CD163L1: variants seen among roughly 807,000 people sequenced by gnomAD.
CD163L1 encodes the protein scavenger receptor cysteine-rich type 1 protein M160.
In CD163L1, 124 loss-of-function variants were observed where a neutral mutation model predicts 165.4. The observed-to-expected ratio is 0.75, with a 90% CI of 0.65 to 0.87. The LOEUF is 0.87. Among genes scored for constraint, CD163L1 ranks in the 40% least tolerant of loss-of-function variants. CD163L1 has a pLI of 0.00. For missense variants in CD163L1, 1,525 were observed against 1,799.9 expected (o/e 0.85, Z 2.76); for synonymous variants, 585 against 662.2 (o/e 0.88, Z 1.79).
At chr12:7,382,695 G>C (rs1004886322) in intron 8 of CD163L1, among the ~76,000 whole-genome samples, 1 of 152,078 alleles carries the variant, frequency 6.6e-6, no homozygotes, top group Non-Finnish European at 1.5e-5. Context: ...GTTTGTGCTG[G>C]GTCCTACATC....
At chr12:7,354,198 G>C (rs1056443952), downstream of CD163L1, among the ~76,000 whole-genome samples, 3 of 151,834 alleles carry the variant, frequency 2.0e-5, no homozygotes, top group African/African-American at 4.8e-5. Context: ...AATCACCTAG[G>C]CTTCTTTTTT....
chr12:7,350,262 C>T (rs143379460), downstream of CD163L1, among the ~76,000 whole-genome samples: 28 of 152,280 alleles, frequency 1.8e-4, 1 homozygote, highest in East Asian at 3.5e-3. Flanking sequence ...CAGAGATTTC[C>T]TAGACCTAAG....
At chr12:7,420,650 C>T (rs1948330512) in intron 4 of CD163L1, among the ~76,000 whole-genome samples, 1 of 151,946 alleles carries the variant, frequency 6.6e-6, no homozygotes, top group African/African-American at 2.4e-5. Flanking sequence ...GTAAAAGCCA[C>T]AATGCAATAC....
chr12:7,433,004 T>C (rs919146502), intron 3 of CD163L1, among the ~76,000 whole-genome samples: 1 of 152,098 alleles, frequency 6.6e-6, no homozygotes, highest in African/African-American at 2.4e-5. Flanking sequence ...TTTCAGAAAA[T>C]ATTTGTTCTG....
chr12:7,439,658 C>CA, intron 2 of CD163L1: 2 of 1,612,598 alleles, frequency 1.2e-6, no homozygotes, highest in African/African-American at 2.7e-5. Flanking sequence ...TTGTTCTCTG[C>CA]AATTTTCTTC....
chr12:7,399,519 C>CT (rs1947872960), intron 6 of CD163L1, among the ~76,000 whole-genome samples: 5 of 141,910 alleles, frequency 3.5e-5, no homozygotes, highest in African/African-American at 1.4e-4. Flanking sequence ...CTCCCTCCCT[C>CT]TCTTTCTTTC....
At chr12:7,390,818 G>A (rs966852281) in intron 8 of CD163L1, among the ~76,000 whole-genome samples, 1 of 152,162 alleles carries the variant, frequency 6.6e-6, no homozygotes, top group Non-Finnish European at 1.5e-5. Context: ...ATCTGAGTCA[G>A]GGAGTCCAAC....
intron 4 of CD163L1, among the ~76,000 whole-genome samples, chr12:7,417,109 T>C (rs2136566022): frequency 6.6e-6 from 1 of 152,300 alleles, no homozygotes; most frequent in East Asian, 1.9e-4. Flanking sequence ...TGGTTTGTAG[T>C]TCTCCTTGAA....
intron 8 of CD163L1, among the ~76,000 whole-genome samples, chr12:7,380,297 G>A (rs1218117374): frequency 7.7e-6 from 1 of 129,496 alleles, no homozygotes; most frequent in African/African-American, 3.2e-5. Context: ...GTGTGTGTGT[G>A]TGTGTATACA....
chr12:7,422,164 C>T (rs1948452776), intron 4 of CD163L1, among the ~76,000 whole-genome samples: 1 of 152,028 alleles, frequency 6.6e-6, no homozygotes, highest in Non-Finnish European at 1.5e-5. Flanking sequence ...TGGAGTGGAG[C>T]CCAAGCAAAC....
intron 4 of CD163L1, among the ~76,000 whole-genome samples, chr12:7,418,970 T>C (rs778775606): frequency 2.6e-5 from 4 of 152,126 alleles, no homozygotes; most frequent in African/African-American, 9.6e-5. Flanking sequence ...TTGATACCAA[T>C]CCTATTGACA....
the CD163L1 span, among the ~76,000 whole-genome samples, chr12:7,334,442 C>G: frequency 2.2e-4 from 33 of 152,226 alleles, no homozygotes; most frequent in East Asian, 3.9e-4. Context: ...ATTCAACAAC[C>G]CTTCATGCTA....
At chr12:7,427,887 A>G (rs1948571410) in intron 4 of CD163L1, among the ~76,000 whole-genome samples, 1 of 152,126 alleles carries the variant, frequency 6.6e-6, no homozygotes, top group South Asian at 2.1e-4. Context: ...AGTCTCATCA[A>G]ACACATTATA....
chr12:7,379,361 T>C (rs1053715389), intron 8 of CD163L1, 63 bp from the exon 9 acceptor site: 49 of 1,532,470 alleles, frequency 3.2e-5, no homozygotes, highest in Non-Finnish European at 4.1e-5. Flanking sequence ...AAGATTCTTA[T>C]CCATTCCTGT....
At chr12:7,322,432 G>C in the CD163L1 span, 1 of 1,613,812 alleles carries the variant, frequency 6.2e-7, no homozygotes, top group Non-Finnish European at 8.5e-7. Flanking sequence ...AAATTCAAGA[G>C]TCTGCGGCAC....
At chr12:7,370,843 G>T (rs1947130719) in intron 14 of CD163L1, among the ~76,000 whole-genome samples, 1 of 152,000 alleles carries the variant, frequency 6.6e-6, no homozygotes, top group Non-Finnish European at 1.5e-5. Context: ...TCATTGAATG[G>T]CCTATATAAT....
chr12:7,344,035 G>A (rs990833834), downstream of CD163L1, among the ~76,000 whole-genome samples: 2 of 151,802 alleles, frequency 1.3e-5, no homozygotes, highest in Admixed American at 6.6e-5. Context: ...GGAGCAACAG[G>A]CCCCTAGCAA....
At chr12:7,327,142 G>T in the CD163L1 span, 1 of 1,525,672 alleles carries the variant, frequency 6.6e-7, no homozygotes, top group Non-Finnish European at 8.8e-7. Context: ...CCAAACTAGG[G>T]TCTAAGCTAG....
chr12:7,369,040 A>G lies in CD163L1; in HGVS notation c.4040-75T>C. The G allele has an allele frequency of 6.9e-7, 1 of 1,449,510 alleles. No homozygotes were observed. Among genetic ancestry groups the G allele is most frequent in the Non-Finnish European group, 9.6e-7 (1 of 1,042,430 alleles). 89.8% of individuals were successfully genotyped at this position (1,449,510 alleles called of 1,614,324 possible). A position where few individuals can be genotyped will look rare whatever the true frequency, so the allele number is the denominator to read the frequency against. On this transcript the variant is annotated intron_variant, in intron 15 of 19. Transcript: ENST00000313599. The surrounding 1 kb of genome is among the most constrained non-coding windows in gnomAD (Gnocchi z 4.9). The stretch of plus-strand genomic sequence containing the variant: ...GGTATTTCTTTTTACATCTCCTGCG[A>G]TTATCGGATGTCATTTAAATATCCT...
Sources: gnomAD v4.1 joint callset for allele counts (sites outside exome capture counted in the v4.1 genomes callset) on GRCh38, gnomAD v4.1.1 for gene constraint, Gnocchi (gnomAD v3.1) non-coding constraint, MANE v1.5 for transcripts, NCBI Gene and HGNC (gene_info 2026-07-23, HGNC 2026-07-21) for gene names.